Variants in CBX5 observed in about 807,000 individuals in gnomAD.
CBX5 encodes the protein chromobox protein homolog 5.
In CBX5, 7 loss-of-function variants were observed where a neutral mutation model predicts 20.7. The observed-to-expected ratio is 0.34, with a 90% CI of 0.19 to 0.63. The LOEUF is 0.63. Ranked by LOEUF, CBX5 falls within the 30% of genes least tolerant of loss-of-function variation. The pLI is 0.75. For missense variants in CBX5, 110 were observed against 224.1 expected (o/e 0.49, Z 3.25); for synonymous variants, 78 against 77.0 (o/e 1.01, Z -0.07).
At chr12:54,245,007 T>TTTA (rs1268967528) in intron 4 of CBX5, among the ~76,000 whole-genome samples, 1 of 150,984 alleles carries the variant, frequency 6.6e-6, no homozygotes, top group African/African-American at 2.4e-5. Flanking sequence ...TATATATATA[T>TTTA]TTATTATTAT....
intron 4 of CBX5, among the ~76,000 whole-genome samples, chr12:54,242,457 G>A (rs570763985): frequency 2.7e-5 from 4 of 150,724 alleles, no homozygotes; most frequent in South Asian, 2.1e-4. Flanking sequence ...CCCGGGAGGC[G>A]GAGCTTGCAG....
intron 3 of CBX5, among the ~76,000 whole-genome samples, chr12:54,247,717 A>C (rs1943750628): frequency 6.6e-6 from 1 of 152,016 alleles, no homozygotes; most frequent in Admixed American, 6.6e-5. Context: ...TCTGTTGCCT[A>C]GGTTAAAGTG....
At chr12:54,267,865 T>A (rs1320118176) in intron 1 of CBX5, among the ~76,000 whole-genome samples, 1 of 152,188 alleles carries the variant, frequency 6.6e-6, no homozygotes, top group Non-Finnish European at 1.5e-5. Context: ...GACATCTGGC[T>A]GGGCATGGTG....
chr12:54,246,277 C>T (rs537525335), intron 3 of CBX5, 62 bp from the exon 4 acceptor site: 4 of 1,216,224 alleles, frequency 3.3e-6, no homozygotes, highest in Non-Finnish European at 4.8e-6. Flanking sequence ...CTCCCTGCTT[C>T]TAGGCTCAAC....
At position 54,241,739 on chromosome 12, in the gene CBX5, G is replaced by A. The variant is rs773760169; in HGVS notation, c.*16C>T. 6.2e-7 allele frequency: 1 copy of A among 1,605,524 alleles called. No individual in the cohort carries two copies. The highest frequency in any genetic ancestry group is 8.5e-7 in the Non-Finnish European group (1 of 1,177,358). On this transcript the variant is annotated 3_prime_UTR_variant, in exon 5 of 5. Transcript: ENST00000209875. ...GTATTATGTACAAAGAGAAATGACA[G>A]AGACCATCCCCTCCTTTAGCTCTTT... is the stretch of plus-strand genomic sequence containing the variant.
At chr12:54,259,059 A>C (rs1592160396) in intron 1 of CBX5, among the ~76,000 whole-genome samples, 1 of 152,192 alleles carries the variant, frequency 6.6e-6, no homozygotes, top group East Asian at 1.9e-4. Flanking sequence ...TATAAGACTA[A>C]GTTTTTATTA....
chr12:54,244,873 TCAG>T (rs1943718348), intron 4 of CBX5, among the ~76,000 whole-genome samples: 1 of 152,110 alleles, frequency 6.6e-6, no homozygotes. Flanking sequence ...TAGACATTAT[TCAG>T]CAGGTTTGGC....
intron 1 of CBX5, chr12:54,272,951 C>A (rs939094311): frequency 6.6e-6 from 1 of 152,122 alleles, no homozygotes; most frequent in African/African-American, 2.4e-5. Context: ...GGACAAGAAC[C>A]CAGGTTTCTG....
chr12:54,271,375 G>T (rs1242800223), intron 1 of CBX5, among the ~76,000 whole-genome samples: 1 of 152,156 alleles, frequency 6.6e-6, no homozygotes, highest in Non-Finnish European at 1.5e-5. Context: ...ACCCAGGCTG[G>T]AGTGCAGTGG....
chr12:54,259,006 T>A (rs1174051694), intron 1 of CBX5, among the ~76,000 whole-genome samples: 1 of 152,162 alleles, frequency 6.6e-6, no homozygotes, highest in Non-Finnish European at 1.5e-5. Context: ...TTATTAGCTA[T>A]AGGTCTGCCC....
intron 2 of CBX5, 124 bp downstream of exon 2, chr12:54,257,390 T>C: frequency 1.1e-6 from 1 of 910,354 alleles, no homozygotes; most frequent in Non-Finnish European, 1.7e-6. Context: ...CTGTGTCTTC[T>C]AACTCTTAGG....
chr12:54,249,773 G>T (rs945252486), intron 3 of CBX5, among the ~76,000 whole-genome samples: 1 of 152,104 alleles, frequency 6.6e-6, no homozygotes, highest in Non-Finnish European at 1.5e-5. Flanking sequence ...GAGAGCTAAA[G>T]ATCAGAAGGA....
At chr12:54,269,792 A>C (rs1387958049) in intron 1 of CBX5, among the ~76,000 whole-genome samples, 1 of 152,116 alleles carries the variant, frequency 6.6e-6, no homozygotes, top group Non-Finnish European at 1.5e-5. Flanking sequence ...TTGCCTGTAG[A>C]GAGGTCTCAT....
At chr12:54,277,889 G>A (rs1237262436) in intron 1 of CBX5, among the ~76,000 whole-genome samples, 2 of 152,140 alleles carry the variant, frequency 1.3e-5, no homozygotes, top group African/African-American at 4.8e-5. Context: ...AGACTGGAGT[G>A]CAGTGGCTAT....
chr12:54,271,191 T>C (rs1414688745), intron 1 of CBX5, among the ~76,000 whole-genome samples: 2 of 152,262 alleles, frequency 1.3e-5, no homozygotes, highest in East Asian at 1.9e-4. Flanking sequence ...TACTATTCTA[T>C]AAATGTCAAT....
chr12:54,273,075 C>A (rs1406251889), intron 1 of CBX5: 2 of 152,178 alleles, frequency 1.3e-5, no homozygotes, highest in Non-Finnish European at 2.9e-5. Context: ...TGAATGATGG[C>A]CCTCCCCCAA....
At chr12:54,255,155 A>G (rs1279586319) in intron 2 of CBX5, among the ~76,000 whole-genome samples, 1 of 152,176 alleles carries the variant, frequency 6.6e-6, no homozygotes, top group East Asian at 1.9e-4. Context: ...GGCCAGGAAT[A>G]GTGATTCACA....
intron 1 of CBX5, chr12:54,258,309 A>G (rs1362513953): frequency 6.6e-6 from 1 of 152,158 alleles, no homozygotes; most frequent in African/African-American, 2.4e-5. Context: ...AAACACACTA[A>G]TCTTCCTTTT....
At chr12:54,258,873 C>T (rs1247124249) in intron 1 of CBX5, among the ~76,000 whole-genome samples, 1 of 152,250 alleles carries the variant, frequency 6.6e-6, no homozygotes, top group East Asian at 1.9e-4. Flanking sequence ...AGGGAGGGCC[C>T]ACTACTAACC....
Sources: allele counts gnomAD v4.1 joint callset (sites outside exome capture counted in the v4.1 genomes callset), GRCh38; gene constraint gnomAD v4.1.1; transcripts MANE v1.5; gene names NCBI Gene and HGNC (gene_info 2026-07-23, HGNC 2026-07-21).